Variants in RANGAP1 observed in about 807,000 individuals in gnomAD.
RANGAP1 encodes the protein ran GTPase-activating protein 1.
A neutral mutation model predicts 63.5 loss-of-function variants in RANGAP1; 38 were observed. That is an observed-to-expected ratio of 0.60 (90% CI 0.46 to 0.78). The LOEUF (loss-of-function observed/expected upper bound fraction) is 0.78, where lower values mean the gene tolerates loss of function less well. Among genes scored for constraint, RANGAP1 ranks in the 30% least tolerant of loss-of-function variants. The pLI, the probability that RANGAP1 is intolerant of heterozygous loss-of-function variation, is 0.00. For synonymous variants in RANGAP1, 329 were observed against 310.5 expected (o/e 1.06, Z -0.63); for missense variants, 630 against 740.3 (o/e 0.85, Z 1.73).
At chr22:41,291,466 C>T in the RANGAP1 span, among the ~76,000 whole-genome samples, 1 of 151,790 alleles carries the variant, frequency 6.6e-6, no homozygotes, top group African/African-American at 2.4e-5. Flanking sequence ...GGCACTGTGG[C>T]ACGTGCCTGT....
At chr22:41,292,063 A>G in the RANGAP1 span, among the ~76,000 whole-genome samples, 2 of 151,664 alleles carry the variant, frequency 1.3e-5, no homozygotes, top group Non-Finnish European at 2.9e-5. Context: ...CAGCCTCCTG[A>G]GTAGCTGGGA....
At chr22:41,255,877 C>T (rs2033798776) in intron 10 of RANGAP1, 144 bp downstream of exon 10, 1 of 797,128 alleles carries the variant, frequency 1.3e-6, no homozygotes, top group Non-Finnish European at 2.0e-6. Flanking sequence ...TCACTTGAAC[C>T]CAGGAGGTGG....
At chr22:41,283,619 C>G (rs1308866586) in intron 1 of RANGAP1, among the ~76,000 whole-genome samples, 1 of 152,134 alleles carries the variant, frequency 6.6e-6, no homozygotes, top group Non-Finnish European at 1.5e-5. Context: ...ATGCACACAT[C>G]TGGGGGAACA....
rs78051389 is a variant in RANGAP1, at chr22:41,259,107, G to A, written c.616-1001C>T. Reference sequence around the variant, plus strand: ...GAGCACCTGGTCCCTCCTCTATCACGGTGGTCCTCATCCTGCCTACATTCA... The same window carrying A: ...GAGCACCTGGTCCCTCCTCTATCACAGTGGTCCTCATCCTGCCTACATTCA... On this transcript the variant is annotated intron_variant, in intron 6 of 15. Transcript: ENST00000356244. Among the ~76,000 whole-genome samples, 933 of 152,186 alleles carry A rather than the reference G, an allele frequency of 6.1e-3. 7 individuals are homozygous for A. Among genetic ancestry groups the A allele is most frequent in the Admixed American group, 0.012 (188 of 15,270 alleles).
chr22:41,262,084 A>C (rs917066090), intron 5 of RANGAP1, among the ~76,000 whole-genome samples: 8 of 152,222 alleles, frequency 5.3e-5, no homozygotes, highest in African/African-American at 1.9e-4. Context: ...CACAATGTCC[A>C]AGGGAGCCAG....
In RANGAP1 at chr22:41,256,814, G is replaced by A. The variant is rs1450025364; in HGVS notation, c.785C>T (p.Thr262Ile). Residue 262 changes from threonine to isoleucine, a missense_variant, in exon 8 of 16, where the codon ACC becomes ATC. Thr to Ile is a moderately conservative substitution (Grantham distance 89). Around this residue, in one of 3 missense-constraint regions of RANGAP1, gnomAD observed 428 missense variants for 465.5 expected, o/e 0.92. Transcript: ENST00000356244. ...ATTAATCACCTCCACCTGCCGCAAG[G>A]TCTTCAAGGTCTGTGAGGGGGAAGC... Reference protein sequence around the residue: ...GAVAMAETLKTLRQVEVINFG... With the variant: ...GAVAMAETLKILRQVEVINFG... The A allele has an allele frequency of 1.9e-6, 3 of 1,613,874 alleles. No individual in the cohort carries two copies. Among genetic ancestry groups the A allele is most frequent in the East Asian group, 2.2e-5 (1 of 44,882 alleles).
rs1336188161 is a variant in RANGAP1 at position 41,274,742 on chromosome 22, A to G, written c.113-15T>C. 5 of 1,613,666 alleles carry G rather than the reference A, an allele frequency of 3.1e-6. No individual in the cohort carries two copies. Among genetic ancestry groups the G allele is most frequent in the Non-Finnish European group, 4.2e-6 (5 of 1,179,864 alleles). ...CACATCTTTAGCTGCCAGGGACCAAAGAGCAGAACCTTAGGCTTTTGGAAT... is the reference window on the plus strand; with the variant it reads ...CACATCTTTAGCTGCCAGGGACCAAGGAGCAGAACCTTAGGCTTTTGGAAT... On this transcript the variant is annotated splice_polypyrimidine_tract_variant and intron_variant, in intron 2 of 15. Coordinates refer to ENST00000356244, the MANE Select transcript of RANGAP1 (RefSeq NM_002883.4).
At chr22:41,272,955 G>A (rs2034924089) in intron 3 of RANGAP1, among the ~76,000 whole-genome samples, 2 of 152,052 alleles carry the variant, frequency 1.3e-5, no homozygotes, top group African/African-American at 4.8e-5. Flanking sequence ...TGGGACCATA[G>A]GTGCACACCA....
chr22:41,285,540 TCA>T (rs1163483568), intron 1 of RANGAP1: 4 of 985,458 alleles, frequency 4.1e-6, no homozygotes, highest in East Asian at 2.3e-4. Flanking sequence ...CAGCAGTGAC[TCA>T]CATCGATTCC....
chr22:41,277,427 A>G (rs1253722439), intron 2 of RANGAP1: 2 of 1,174,790 alleles, frequency 1.7e-6, no homozygotes, highest in Non-Finnish European at 2.2e-6. Context: ...TCTGTATTCT[A>G]TAATAAACCT....
intron 2 of RANGAP1, chr22:41,277,431 T>C: frequency 8.5e-7 from 1 of 1,179,480 alleles, no homozygotes; most frequent in Non-Finnish European, 1.1e-6. Flanking sequence ...TATTCTATAA[T>C]AAACCTGCAT....
the RANGAP1 span, chr22:41,301,842 C>G: frequency 1.3e-5 from 2 of 151,812 alleles, no homozygotes; most frequent in East Asian, 3.9e-4. Context: ...GCCGCCCGCG[C>G]GCGAGGGTTC....
intron 1 of RANGAP1, 136 bp from the exon 2 acceptor site, chr22:41,281,218 A>G (rs1349379065): frequency 2.4e-5 from 25 of 1,035,760 alleles, no homozygotes; most frequent in Non-Finnish European, 3.3e-5. Flanking sequence ...AATCACTGGA[A>G]GAAAGGAAAA....
intron 10 of RANGAP1, among the ~76,000 whole-genome samples, chr22:41,254,997 A>C (rs963015433): frequency 1.3e-5 from 2 of 148,972 alleles, no homozygotes; most frequent in African/African-American, 4.9e-5. Flanking sequence ...AAAAAAAAAC[A>C]AAAAAAAATC....
Position 41,256,827 on chromosome 22 carries a change from G to GT in RANGAP1, c.775-4dup. On this transcript the variant is annotated splice_polypyrimidine_tract_variant and splice_region_variant and intron_variant, in intron 7 of 15. Coordinates refer to ENST00000356244, the MANE Select transcript of RANGAP1 (RefSeq NM_002883.4). ...ACCTGCCGCAAGGTCTTCAAGGTCT[G>GT]TGAGGGGGAAGCAAGGGTCCAGAGT... 2 of 1,612,510 alleles carry GT rather than the reference G, an allele frequency of 1.2e-6. No individual in the cohort carries two copies. Among genetic ancestry groups the GT allele is most frequent in the Non-Finnish European group, 1.7e-6 (2 of 1,178,648 alleles).
In RANGAP1 at chr22:41,245,602, C is replaced by A. The variant is rs1051823749; in HGVS notation, c.*1001G>T. 1 of 152,236 alleles carries A rather than the reference C, an allele frequency of 6.6e-6. No homozygotes were observed. The highest frequency in any genetic ancestry group is 6.5e-5 in the Admixed American group (1 of 15,292). The allele number at this position is 152,236 out of a possible 1,614,324, so 9.4% of individuals were successfully genotyped here. On this transcript the variant is annotated 3_prime_UTR_variant, in exon 16 of 16. Transcript: ENST00000356244. ...ACTATCCCGCTTTCAGTGAGAGTTT[C>A]TGAGTCTCTGAAGCTGCCACACGAC...
At chr22:41,285,699 T>C (rs927106978) in intron 1 of RANGAP1, 9 of 984,474 alleles carry the variant, frequency 9.1e-6, no homozygotes, top group Admixed American at 1.2e-4. Context: ...TCGCACCGCC[T>C]CCGGTTGACA....
rs1179831627 is a variant in RANGAP1 at position 41,256,114 on chromosome 22, G to C, written c.989-9C>G. 1.2e-6 allele frequency: 2 copies of C among 1,614,102 alleles called. No homozygotes were observed. Among genetic ancestry groups the C allele is most frequent in the African/African-American group, 2.7e-5 (2 of 75,046 alleles). On this transcript the variant is annotated splice_polypyrimidine_tract_variant and intron_variant, in intron 9 of 15. Coordinates refer to ENST00000356244, the MANE Select transcript of RANGAP1 (RefSeq NM_002883.4). Reference sequence around the variant, plus strand: ...TTCTCCCAGGGTGTTGCCTGCTCAAGGGGAGGGAAGAGCAGTCAGCCGGGG... The same window carrying C: ...TTCTCCCAGGGTGTTGCCTGCTCAACGGGAGGGAAGAGCAGTCAGCCGGGG...
At chr22:41,253,079 C>T in intron 11 of RANGAP1, 88 bp from the exon 12 acceptor site, 1 of 1,272,300 alleles carries the variant, frequency 7.9e-7, no homozygotes, top group South Asian at 2.1e-5. Context: ...CCAGCACATC[C>T]ACCCTTCACT....
Sources: allele counts gnomAD v4.1 joint callset (sites outside exome capture counted in the v4.1 genomes callset), GRCh38; gene constraint gnomAD v4.1.1; regional missense constraint gnomAD v4.1.1; transcripts MANE v1.5; gene names NCBI Gene and HGNC (gene_info 2026-07-23, HGNC 2026-07-21).